Variants in DLG2 observed in about 807,000 individuals in gnomAD.
DLG2 encodes the protein discs large MAGUK scaffold protein 2.
In DLG2, 45 loss-of-function variants were observed where a neutral mutation model predicts 132.5. The ratio of observed to expected loss-of-function variants is 0.34; its 90% CI spans 0.27 to 0.44. DLG2 has a LOEUF of 0.44. DLG2 is among the 20% of genes least tolerant of loss of function. The probability of loss-of-function intolerance (pLI) is 1.00; values close to 1 mark genes in which losing one functional copy is unlikely to be tolerated. For synonymous variants in DLG2, 424 were observed against 419.6 expected, an observed-to-expected ratio of 1.01 and a Z score of -0.13; for missense variants, 1,045 against 1,196.9, an observed-to-expected ratio of 0.87 and a Z score of 1.87.
intron 3 of DLG2, among the ~76,000 whole-genome samples, chr11:85,435,565 G>A (rs1433420822): frequency 6.6e-6 from 1 of 152,040 alleles, no homozygotes; most frequent in African/African-American, 2.4e-5. Context: ...ATTCACAGTT[G>A]CCACAAAGAG....
At chr11:85,460,891 G>A (rs931776466) in intron 3 of DLG2, among the ~76,000 whole-genome samples, 3 of 152,146 alleles carry the variant, frequency 2.0e-5, no homozygotes, top group Middle Eastern at 3.2e-3. Context: ...TGTTGGTTAG[G>A]TTTTATTTGG....
At chr11:85,434,311 A>G (rs1434350562) in intron 3 of DLG2, among the ~76,000 whole-genome samples, 1 of 152,132 alleles carries the variant, frequency 6.6e-6, no homozygotes, top group East Asian at 1.9e-4. Context: ...AAGAAGAGAA[A>G]TAACTAAGAT....
intron 7 of DLG2, among the ~76,000 whole-genome samples, chr11:84,359,243 C>A (rs567613289): frequency 6.6e-6 from 1 of 151,886 alleles, no homozygotes; most frequent in South Asian, 2.1e-4. Context: ...AATGGTAAAA[C>A]TGAGAAATGA....
chr11:85,368,598 G>A (rs1306714152), intron 3 of DLG2, among the ~76,000 whole-genome samples: 2 of 152,074 alleles, frequency 1.3e-5, no homozygotes, highest in Admixed American at 6.6e-5. Context: ...AGTATAGAAC[G>A]AGGTGTACTA....
chr11:84,346,764 G>T (rs1373148743), intron 7 of DLG2, among the ~76,000 whole-genome samples: 1 of 152,128 alleles, frequency 6.6e-6, no homozygotes, highest in Non-Finnish European at 1.5e-5. Context: ...TTTTAGCAGA[G>T]GCGGGGTTTC....
At chr11:84,141,726 T>C (rs1358921207) in intron 9 of DLG2, among the ~76,000 whole-genome samples, 1 of 152,142 alleles carries the variant, frequency 6.6e-6, no homozygotes, top group Non-Finnish European at 1.5e-5. Flanking sequence ...AGGCTCATCA[T>C]TGAGTAGTGA....
rs1026445556 is a variant in DLG2, at chr11:84,510,996, T to C, written c.519+23574A>G. On this transcript the variant is annotated intron_variant, in intron 7 of 27. Coordinates refer to ENST00000376104, the MANE Select transcript of DLG2 (RefSeq NM_001142699.3). ...TAACTTCTTACATGGAACATATCCT[T>C]CCCTAATGTTTGGAATTTTAGGGAT... Among the ~76,000 whole-genome samples, 12 of 152,278 alleles carry C rather than the reference T, an allele frequency of 7.9e-5. No individual in the cohort carries two copies. The South Asian group carries it at 2.5e-3, about 32-fold the overall frequency.
At chr11:84,418,592 C>T (rs182362475) in intron 7 of DLG2, among the ~76,000 whole-genome samples, 1,556 of 152,182 alleles carry the variant, frequency 0.01, 9 homozygotes, top group Non-Finnish European at 0.018. Flanking sequence ...TTTTCTTGTC[C>T]AAATGGTTTT....
At chr11:84,384,659 T>C (rs904858777) in intron 7 of DLG2, among the ~76,000 whole-genome samples, 5 of 151,962 alleles carry the variant, frequency 3.3e-5, no homozygotes, top group African/African-American at 9.7e-5. Context: ...ATGATAACTA[T>C]ATTAAATATA....
chr11:84,697,268 G>A (rs1192370901), intron 6 of DLG2, among the ~76,000 whole-genome samples: 1 of 151,384 alleles, frequency 6.6e-6, no homozygotes, highest in Non-Finnish European at 1.5e-5. Flanking sequence ...CTCTGAGGCA[G>A]TATAATCACA....
At chr11:83,914,605 T>C (rs140978801) in intron 15 of DLG2, among the ~76,000 whole-genome samples, 2 of 152,314 alleles carry the variant, frequency 1.3e-5, no homozygotes, top group Non-Finnish European at 2.9e-5. Flanking sequence ...ATGAGATGGA[T>C]ACTTTTTAAA....
intron 7 of DLG2, among the ~76,000 whole-genome samples, chr11:84,304,412 T>C (rs1271462476): frequency 6.6e-6 from 1 of 152,258 alleles, no homozygotes; most frequent in African/African-American, 2.4e-5. Flanking sequence ...AAGAGGAAGA[T>C]GTGCTTAATC....
chr11:84,552,389 G>C (rs967233906), intron 6 of DLG2, among the ~76,000 whole-genome samples: 1 of 152,088 alleles, frequency 6.6e-6, no homozygotes, highest in South Asian at 2.1e-4. Flanking sequence ...TTGCAACTCA[G>C]AGTAAGAGGA....
chr11:84,783,053 C>A (rs541584493), intron 6 of DLG2, among the ~76,000 whole-genome samples: 35 of 152,282 alleles, frequency 2.3e-4, no homozygotes, highest in Non-Finnish European at 3.7e-4. Flanking sequence ...TCTACCAAGA[C>A]TCTCAATTAC....
intron 4 of DLG2, among the ~76,000 whole-genome samples, chr11:85,158,755 T>A (rs1055928566): frequency 6.6e-6 from 1 of 152,138 alleles, no homozygotes; most frequent in African/African-American, 2.4e-5. Context: ...AAAATGGCAA[T>A]CAGAATAGTC....
intron 21 of DLG2, among the ~76,000 whole-genome samples, chr11:83,497,209 C>A (rs1041302204): frequency 6.6e-6 from 1 of 152,120 alleles, no homozygotes; most frequent in African/African-American, 2.4e-5. Context: ...AACAAAATAA[C>A]TGAACATCTG....
intron 16 of DLG2, among the ~76,000 whole-genome samples, chr11:83,863,365 T>C (rs954557552): frequency 6.6e-6 from 1 of 152,168 alleles, no homozygotes; most frequent in Non-Finnish European, 1.5e-5. Flanking sequence ...AAATGAGGCT[T>C]ACTCACTCCA....
chr11:83,566,167 AAGT>A (rs1346412296), intron 19 of DLG2, among the ~76,000 whole-genome samples: 1 of 152,208 alleles, frequency 6.6e-6, no homozygotes, highest in Non-Finnish European at 1.5e-5. Context: ...CATTGTATAA[AAGT>A]TGAAGGATAA....
At chr11:84,778,844 G>A (rs1235808224) in intron 6 of DLG2, among the ~76,000 whole-genome samples, 1 of 152,120 alleles carries the variant, frequency 6.6e-6, no homozygotes, top group Non-Finnish European at 1.5e-5. Context: ...TATCAGCATG[G>A]CTAGAGAAAG....
Sources: gnomAD v4.1 joint callset for allele counts (sites outside exome capture counted in the v4.1 genomes callset) on GRCh38, gnomAD v4.1.1 for gene constraint, MANE v1.5 for transcripts, NCBI Gene and HGNC (gene_info 2026-07-23, HGNC 2026-07-21) for gene names.